Variants in NSMCE2 observed in about 807,000 individuals in gnomAD.
NSMCE2 encodes E3 SUMO-protein ligase NSE2.
NSMCE2 carries 24 observed loss-of-function variants against 23.8 expected under a neutral mutation model. The ratio of observed to expected loss-of-function variants is 1.01; its 90% CI spans 0.73 to 1.42. NSMCE2 has a LOEUF of 1.42. Ranked by LOEUF, NSMCE2 falls within the 40% of genes most tolerant of loss-of-function variation. NSMCE2 has a pLI of 0.00. For synonymous variants in NSMCE2, 92 were observed against 94.1 expected (o/e 0.98, Z 0.13); for missense variants, 284 against 296.5 (o/e 0.96, Z 0.31).
At chr8:125,172,737 T>C (rs1295095313) in intron 4 of NSMCE2, among the ~76,000 whole-genome samples, 1 of 152,198 alleles carries the variant, frequency 6.6e-6, no homozygotes, top group African/African-American at 2.4e-5. Flanking sequence ...AAAAAATAAA[T>C]ATGAATAGAT....
At chr8:125,265,096 G>T (rs1024249688) in intron 5 of NSMCE2, among the ~76,000 whole-genome samples, 4 of 151,958 alleles carry the variant, frequency 2.6e-5, no homozygotes, top group Non-Finnish European at 5.9e-5. Flanking sequence ...ACAGGGCCAG[G>T]ATTAAGGAGA....
intron 4 of NSMCE2, among the ~76,000 whole-genome samples, chr8:125,152,583 C>T (rs1364385994): frequency 6.6e-6 from 1 of 152,198 alleles, no homozygotes; most frequent in African/African-American, 2.4e-5. Context: ...TTGACCCTTA[C>T]ATTATGTGGC....
chr8:125,253,264 G>A (rs1451755233), intron 5 of NSMCE2, among the ~76,000 whole-genome samples: 3 of 152,214 alleles, frequency 2.0e-5, no homozygotes, highest in African/African-American at 7.2e-5. Context: ...TAGAGAATTT[G>A]AATTAGCAGG....
chr8:125,233,908 G>A (rs1011598160), intron 5 of NSMCE2, among the ~76,000 whole-genome samples: 4 of 151,654 alleles, frequency 2.6e-5, no homozygotes, highest in Non-Finnish European at 5.9e-5. Flanking sequence ...CGGGCATGGT[G>A]GCTCATGCCT....
intron 5 of NSMCE2, among the ~76,000 whole-genome samples, chr8:125,261,212 G>A (rs554272786): frequency 6.6e-6 from 1 of 152,228 alleles, no homozygotes; most frequent in African/African-American, 2.4e-5. Flanking sequence ...TCACTATTAT[G>A]CTGGATACTA....
intron 4 of NSMCE2, among the ~76,000 whole-genome samples, chr8:125,157,303 C>T (rs554686955): frequency 6.6e-6 from 1 of 152,194 alleles, no homozygotes; most frequent in Non-Finnish European, 1.5e-5. Flanking sequence ...CACCTCTTCT[C>T]TACTCGCTGC....
chr8:125,229,337 T>G (rs1429476817), intron 5 of NSMCE2, among the ~76,000 whole-genome samples: 2 of 152,214 alleles, frequency 1.3e-5, no homozygotes, highest in African/African-American at 4.8e-5. Flanking sequence ...TCAACTTTTT[T>G]TTAAATCACA....
At chr8:125,193,522 C>T (rs187610583) in intron 5 of NSMCE2, among the ~76,000 whole-genome samples, 2 of 152,294 alleles carry the variant, frequency 1.3e-5, no homozygotes, top group African/African-American at 4.8e-5. Flanking sequence ...TACCTTGTCT[C>T]TTTATCTACC....
At chr8:125,125,083 A>C (rs1020884035) in intron 3 of NSMCE2, among the ~76,000 whole-genome samples, 6 of 151,990 alleles carry the variant, frequency 3.9e-5, no homozygotes, top group African/African-American at 1.4e-4. Flanking sequence ...GTGTGAGCCC[A>C]GCTAGGATTT....
chr8:125,285,283 A>G (rs901305840), intron 5 of NSMCE2, among the ~76,000 whole-genome samples: 2 of 152,344 alleles, frequency 1.3e-5, no homozygotes, highest in South Asian at 2.1e-4. Context: ...AATAAGTCAC[A>G]TCGACACAAG....
chr8:125,330,557 G>A (rs1378220856), intron 5 of NSMCE2, among the ~76,000 whole-genome samples: 1 of 152,144 alleles, frequency 6.6e-6, no homozygotes. Context: ...CAGGGAGGAA[G>A]GCTACCCTTA....
Position 125,284,760 on chromosome 8 carries a change from TAAC to T in NSMCE2, c.419-72453_419-72451del, listed in dbSNP as rs948930235. On this transcript the variant is annotated intron_variant, in intron 5 of 7. Transcript: ENST00000287437. ...ATATTGAAATAACAACTAATAACAA[TAAC>T]AACAATTTTTGTTTTGTGAAAAAAT... Among the ~76,000 whole-genome samples the T allele has an allele frequency of 7.9e-5, 12 of 152,284 alleles. No individual in the cohort carries two copies. In the East Asian group the frequency reaches 1.2e-3, roughly 15 times the overall value.
intron 1 of NSMCE2, among the ~76,000 whole-genome samples, chr8:125,100,308 C>T (rs922630785): frequency 6.6e-6 from 1 of 152,126 alleles, no homozygotes; most frequent in Non-Finnish European, 1.5e-5. Context: ...ATGATTTGTG[C>T]ACTTCATTCC....
intron 5 of NSMCE2, among the ~76,000 whole-genome samples, chr8:125,315,458 T>A (rs927029056): frequency 3.9e-5 from 6 of 152,256 alleles, no homozygotes; most frequent in Admixed American, 2.0e-4. Context: ...CTGAGTCATC[T>A]TGCGTGTCAA....
At chr8:125,238,238 G>A (rs982186329) in intron 5 of NSMCE2, among the ~76,000 whole-genome samples, 23 of 152,070 alleles carry the variant, frequency 1.5e-4, no homozygotes, top group Admixed American at 3.3e-4. Flanking sequence ...GAGCAGGCAG[G>A]GAACGAGGTT....
chr8:125,114,497 T>C (rs1362706865), intron 3 of NSMCE2, among the ~76,000 whole-genome samples: 1 of 152,200 alleles, frequency 6.6e-6, no homozygotes. Flanking sequence ...CTATACCCCA[T>C]CCATATCCAT....
At chr8:125,198,613 C>T (rs1016362991) in intron 5 of NSMCE2, among the ~76,000 whole-genome samples, 2 of 152,220 alleles carry the variant, frequency 1.3e-5, no homozygotes, top group South Asian at 2.1e-4. Context: ...AGGATTTTCA[C>T]ATCGATGTTC....
intron 5 of NSMCE2, among the ~76,000 whole-genome samples, chr8:125,208,132 G>A (rs538153751): frequency 3.3e-5 from 5 of 152,170 alleles, no homozygotes; most frequent in Admixed American, 3.3e-4. Context: ...TTGACTGTAT[G>A]TGTGTGTGTG....
intron 6 of NSMCE2, 85 bp from the exon 7 acceptor site, chr8:125,357,627 C>A: frequency 1.0e-6 from 1 of 970,902 alleles, no homozygotes; most frequent in Non-Finnish European, 1.6e-6. Context: ...GGAAGTTAAA[C>A]ATAGAAAGCT....
Sources: gnomAD v4.1 joint callset for allele counts (sites outside exome capture counted in the v4.1 genomes callset) on GRCh38, gnomAD v4.1.1 for gene constraint, MANE v1.5 for transcripts, NCBI Gene and HGNC (gene_info 2026-07-23, HGNC 2026-07-21) for gene names.